Variants in NKAIN2 observed in about 807,000 individuals in gnomAD.
The protein encoded by NKAIN2 is sodium/potassium transporting ATPase interacting 2, also known as sodium/potassium-transporting ATPase subunit beta-1-interacting protein 2.
NKAIN2 carries 14 observed loss-of-function variants against 32.6 expected under a neutral mutation model. That is an observed-to-expected ratio of 0.43 (90% confidence interval 0.28 to 0.67). The LOEUF (loss-of-function observed/expected upper bound fraction) is 0.67, where lower values mean the gene tolerates loss of function less well. Among genes scored for constraint, NKAIN2 ranks in the 30% least tolerant of loss-of-function variants. The pLI is 0.17. For missense variants in NKAIN2, 198 were observed against 258.3 expected (o/e 0.77, Z 1.60); for synonymous variants, 80 against 87.2 (o/e 0.92, Z 0.46).
chr6:124,726,147 G>A (rs1256346705), intron 4 of NKAIN2, among the ~76,000 whole-genome samples: 1 of 152,220 alleles, frequency 6.6e-6, no homozygotes, highest in African/African-American at 2.4e-5. Flanking sequence ...GCCCACCATT[G>A]CCCAGGCTTG....
chr6:124,388,908 A>T (rs1773028256), intron 3 of NKAIN2, among the ~76,000 whole-genome samples: 2 of 152,086 alleles, frequency 1.3e-5, no homozygotes, highest in Non-Finnish European at 2.9e-5. Flanking sequence ...TAAAGTACTG[A>T]CTACTGTTTC....
intron 4 of NKAIN2, among the ~76,000 whole-genome samples, chr6:124,673,633 G>A (rs1032972473): frequency 6.6e-6 from 1 of 151,970 alleles, no homozygotes; most frequent in African/African-American, 2.4e-5. Context: ...TTTCCCGGAT[G>A]ATTAGTGATG....
intron 1 of NKAIN2, among the ~76,000 whole-genome samples, chr6:124,181,338 A>G (rs1308474336): frequency 6.6e-6 from 1 of 152,110 alleles, no homozygotes; most frequent in Admixed American, 6.5e-5. Context: ...ATGAAGACCT[A>G]TGACATGCCT....
intron 1 of NKAIN2, among the ~76,000 whole-genome samples, chr6:124,083,104 A>C (rs558953452): frequency 0.035 from 5,288 of 152,074 alleles, 276 homozygotes; most frequent in African/African-American, 0.12. Context: ...TTATACGTAT[A>C]CCAAAGGAAC....
At chr6:124,122,929 T>C (rs1785958099) in intron 1 of NKAIN2, among the ~76,000 whole-genome samples, 1 of 152,146 alleles carries the variant, frequency 6.6e-6, no homozygotes, top group Non-Finnish European at 1.5e-5. Flanking sequence ...TTTTAGAAAT[T>C]AATTTAATAC....
At chr6:124,227,985 C>T (rs952943126) in intron 1 of NKAIN2, among the ~76,000 whole-genome samples, 4 of 152,148 alleles carry the variant, frequency 2.6e-5, no homozygotes, top group African/African-American at 7.2e-5. Flanking sequence ...CTGGTGAAGA[C>T]CCTCTTCCTG....
chr6:124,591,697 A>G (rs1184220126), intron 3 of NKAIN2, among the ~76,000 whole-genome samples: 1 of 152,160 alleles, frequency 6.6e-6, no homozygotes, highest in South Asian at 2.1e-4. Flanking sequence ...AAGGTAATAC[A>G]TATTTTCTTC....
At chr6:124,000,023 C>T (rs1274938044) in intron 1 of NKAIN2, among the ~76,000 whole-genome samples, 1 of 151,688 alleles carries the variant, frequency 6.6e-6, no homozygotes, top group Non-Finnish European at 1.5e-5. Context: ...TGAAACCAAC[C>T]CCCTATAATT....
chr6:124,152,091 T>C (rs1023482685), intron 1 of NKAIN2, among the ~76,000 whole-genome samples: 4 of 151,994 alleles, frequency 2.6e-5, no homozygotes, highest in Non-Finnish European at 5.9e-5. Flanking sequence ...ACCTTATTTT[T>C]CACATTTAAA....
chr6:124,811,964 C>T (rs1312534298), intron 5 of NKAIN2, among the ~76,000 whole-genome samples: 1 of 152,000 alleles, frequency 6.6e-6, no homozygotes, highest in Non-Finnish European at 1.5e-5. Context: ...TTTTTTTCAC[C>T]TTCTGTCCAG....
intron 4 of NKAIN2, 66 bp from the exon 5 acceptor site, chr6:124,791,273 A>G (rs1779730147): frequency 4.9e-6 from 6 of 1,221,070 alleles, no homozygotes; most frequent in South Asian, 3.8e-5. Context: ...TTGAAAAGCC[A>G]CTCTCCAGTG....
chr6:124,101,615 T>A (rs1006887519), intron 1 of NKAIN2, among the ~76,000 whole-genome samples: 1 of 152,118 alleles, frequency 6.6e-6, no homozygotes, highest in Non-Finnish European at 1.5e-5. Context: ...ATCCACTCCA[T>A]TGGGACTAAG....
intron 1 of NKAIN2, among the ~76,000 whole-genome samples, chr6:123,825,819 G>A (rs978635240): frequency 2.0e-5 from 3 of 152,024 alleles, no homozygotes; most frequent in Non-Finnish European, 2.9e-5. Context: ...GCAGCATTTG[G>A]TATGATACGT....
At chr6:124,641,190 A>C (rs1423644720) in intron 3 of NKAIN2, among the ~76,000 whole-genome samples, 1 of 152,220 alleles carries the variant, frequency 6.6e-6, no homozygotes, top group African/African-American at 2.4e-5. Context: ...GGGGTAACTC[A>C]AAGTATTAAT....
intron 1 of NKAIN2, among the ~76,000 whole-genome samples, chr6:124,214,079 A>T (rs755202216): frequency 7.2e-5 from 11 of 152,182 alleles, no homozygotes; most frequent in Non-Finnish European, 1.3e-4. Context: ...GTATACTTCA[A>T]TGTAGACAAT....
chr6:124,457,426 T>C (rs1776365674), intron 3 of NKAIN2, among the ~76,000 whole-genome samples: 1 of 151,988 alleles, frequency 6.6e-6, no homozygotes, highest in South Asian at 2.1e-4. Context: ...CCCGAAGTCA[T>C]AAAGATTACC....
At chr6:124,823,193 A>G (rs746182489) in intron 6 of NKAIN2, 27 bp from the exon 7 acceptor site, 26 of 1,530,320 alleles carry the variant, frequency 1.7e-5, no homozygotes, top group Middle Eastern at 1.7e-4. Context: ...TTCCCCCTTG[A>G]CTAAAAACAT....
intron 1 of NKAIN2, among the ~76,000 whole-genome samples, chr6:123,879,023 A>G (rs145376688): frequency 6.6e-6 from 1 of 152,134 alleles, no homozygotes; most frequent in East Asian, 1.9e-4. Context: ...TTTTTAGAAG[A>G]CTCTGTTTTC....
chr6:124,766,833 G>A (rs1778534991), intron 4 of NKAIN2, among the ~76,000 whole-genome samples: 1 of 152,170 alleles, frequency 6.6e-6, no homozygotes, highest in South Asian at 2.1e-4. Flanking sequence ...AGAGATGATT[G>A]AGAAGGCTTT....
Sources: allele counts gnomAD v4.1 joint callset (sites outside exome capture counted in the v4.1 genomes callset), GRCh38; gene constraint gnomAD v4.1.1; transcripts MANE v1.5; gene names NCBI Gene and HGNC (gene_info 2026-07-23, HGNC 2026-07-21).